The following DPP6 variants were observed in gnomAD, a reference collection of about 807,000 sequenced individuals.
DPP6 encodes A-type potassium channel modulatory protein DPP6.
In DPP6, 69 loss-of-function variants were observed where a neutral mutation model predicts 122.6. The ratio of observed to expected loss-of-function variants is 0.56; its 90% CI spans 0.46 to 0.69. DPP6 has a LOEUF of 0.69. Among genes scored for constraint, DPP6 ranks in the 30% least tolerant of loss-of-function variants. DPP6 has a pLI of 0.00. For synonymous variants in DPP6, 418 were observed against 433.1 expected (o/e 0.97, Z 0.43); for missense variants, 928 against 1,116.9 (o/e 0.83, Z 2.41).
intron 1 of DPP6, among the ~76,000 whole-genome samples, chr7:153,940,461 C>G (rs931008457): frequency 3.9e-5 from 6 of 152,102 alleles, no homozygotes; most frequent in African/African-American, 1.4e-4. Context: ...TGGTTTTGCA[C>G]TGAAATAGTC....
At chr7:154,257,090 G>A (rs2150906929) in intron 1 of DPP6, among the ~76,000 whole-genome samples, 1 of 148,360 alleles carries the variant, frequency 6.7e-6, no homozygotes, top group South Asian at 2.1e-4. Flanking sequence ...TCAATCTCCT[G>A]GACTCAAACG....
intron 1 of DPP6, among the ~76,000 whole-genome samples, chr7:154,356,337 T>C (rs1347335829): frequency 6.6e-6 from 1 of 152,254 alleles, no homozygotes; most frequent in East Asian, 1.9e-4. Context: ...ACCAAATAAA[T>C]ACTTAAGTAC....
the DPP6 span, among the ~76,000 whole-genome samples, chr7:153,860,567 C>T: frequency 6.6e-6 from 1 of 152,164 alleles, no homozygotes; most frequent in South Asian, 2.1e-4. Context: ...TTCCTCAAGC[C>T]TAGAAGGGGG....
intron 4 of DPP6, among the ~76,000 whole-genome samples, chr7:154,558,465 G>A (rs1830196035): frequency 6.6e-6 from 1 of 152,182 alleles, no homozygotes; most frequent in Non-Finnish European, 1.5e-5. Flanking sequence ...GGTTCAATTA[G>A]CACTCAAATA....
intron 1 of DPP6, among the ~76,000 whole-genome samples, chr7:154,004,796 G>A (rs1193049808): frequency 1.3e-5 from 2 of 152,138 alleles, no homozygotes; most frequent in African/African-American, 4.8e-5. Flanking sequence ...TTTATATGGA[G>A]TATTTTGTTT....
At chr7:154,200,960 C>T (rs1799140951) in intron 1 of DPP6, among the ~76,000 whole-genome samples, 3 of 152,110 alleles carry the variant, frequency 2.0e-5, no homozygotes, top group East Asian at 1.9e-4. Flanking sequence ...AAATTGTGGG[C>T]TTCTCTTCCC....
chr7:154,210,971 G>A lies in DPP6; in HGVS notation c.243+157908G>A, dbSNP rs181071346. 2.2e-4 allele frequency among the ~76,000 whole-genome samples: 34 copies of A among 152,264 alleles called. No individual in the cohort carries two copies. The Middle Eastern group carries it at 0.01, about 46-fold the overall frequency. On this transcript the variant is annotated intron_variant, in intron 1 of 25. Transcript: ENST00000377770. ...GGTATATTCTCATTTCATAGAAAAAGAAACAGGCCTGGAGTGCCCTCTCAG... is the reference window on the plus strand; with the variant it reads ...GGTATATTCTCATTTCATAGAAAAAAAAACAGGCCTGGAGTGCCCTCTCAG...
chr7:154,013,878 C>A (rs1798273206), intron 1 of DPP6, among the ~76,000 whole-genome samples: 1 of 151,516 alleles, frequency 6.6e-6, no homozygotes, highest in South Asian at 2.1e-4. Flanking sequence ...GAAGTCTGAG[C>A]CTCCATCAGA....
chr7:154,056,768 T>C (rs1389137921), intron 1 of DPP6, among the ~76,000 whole-genome samples: 1 of 152,250 alleles, frequency 6.6e-6, no homozygotes, highest in African/African-American at 2.4e-5. Context: ...TTTTCATTGG[T>C]ATAATGTCAA....
At chr7:154,229,171 C>T (rs1303753451) in intron 1 of DPP6, among the ~76,000 whole-genome samples, 1 of 152,078 alleles carries the variant, frequency 6.6e-6, no homozygotes, top group Non-Finnish European at 1.5e-5. Context: ...CTTGAGCATC[C>T]CAAAAAACTT....
chr7:153,921,245 A>C (rs1396541981), intron 1 of DPP6, among the ~76,000 whole-genome samples: 1 of 152,246 alleles, frequency 6.6e-6, no homozygotes, highest in East Asian at 1.9e-4. Context: ...GATGCTCGGC[A>C]AGAGCCGGGA....
intron 1 of DPP6, among the ~76,000 whole-genome samples, chr7:154,444,190 G>A (rs950589584): frequency 9.8e-5 from 15 of 152,312 alleles, no homozygotes; most frequent in Admixed American, 2.6e-4. Flanking sequence ...AGGCGCGGTG[G>A]CTCACGCCTG....
At chr7:154,438,397 G>A (rs546352794) in intron 1 of DPP6, among the ~76,000 whole-genome samples, 1 of 140,996 alleles carries the variant, frequency 7.1e-6, no homozygotes, top group South Asian at 2.3e-4. Flanking sequence ...GTGAACCCAG[G>A]AGGCGGAGCT....
At chr7:154,575,454 G>GTGTGTGATATGTGTGTATGTT (rs2130621473) in intron 5 of DPP6, among the ~76,000 whole-genome samples, 1 of 119,878 alleles carries the variant, frequency 8.3e-6, no homozygotes, top group South Asian at 3.3e-4. Context: ...GTGTGTATGT[G>GTGTGTGATATGTGTGTATGTT]TGTGNGCGGG....
chr7:154,170,795 G>C (rs1436048951), intron 1 of DPP6, among the ~76,000 whole-genome samples: 1 of 152,202 alleles, frequency 6.6e-6, no homozygotes, highest in Non-Finnish European at 1.5e-5. Context: ...ACTAGCCTCT[G>C]TGGACTAGTT....
chr7:153,813,140 G>C, the DPP6 span, among the ~76,000 whole-genome samples: 15 of 151,850 alleles, frequency 9.9e-5, no homozygotes, highest in Non-Finnish European at 1.9e-4. Flanking sequence ...TTTAGCATTA[G>C]GTATATCTCC....
chr7:154,632,041 A>G (rs1278289160), intron 5 of DPP6, among the ~76,000 whole-genome samples: 2 of 152,214 alleles, frequency 1.3e-5, no homozygotes, highest in African/African-American at 4.8e-5. Context: ...CAGAAAAAGG[A>G]AAGTGATGTA....
At chr7:153,945,493 T>C (rs10255684) in intron 1 of DPP6, among the ~76,000 whole-genome samples, 103,913 of 151,872 alleles carry the variant, frequency 0.68, 36,145 homozygotes, top group African/African-American at 0.82. Context: ...ATGGATGACT[T>C]GTGAGACTAG....
At chr7:154,583,130 C>T (rs1331146868) in intron 5 of DPP6, among the ~76,000 whole-genome samples, 3 of 152,222 alleles carry the variant, frequency 2.0e-5, no homozygotes, top group African/African-American at 4.8e-5. Context: ...GTCTTCTCGC[C>T]CTGGAATTCA....
Sources: gnomAD v4.1 joint callset for allele counts (sites outside exome capture counted in the v4.1 genomes callset) on GRCh38, gnomAD v4.1.1 for gene constraint, MANE v1.5 for transcripts, NCBI Gene and HGNC (gene_info 2026-07-23, HGNC 2026-07-21) for gene names.